TOPBP1: variants seen among roughly 807,000 people sequenced by gnomAD.
TOPBP1 encodes DNA topoisomerase 2-binding protein 1.
A neutral mutation model predicts 167.7 loss-of-function variants in TOPBP1; 28 were observed. The ratio of observed to expected loss-of-function variants is 0.17; its 90% CI spans 0.12 to 0.23. TOPBP1 has a LOEUF of 0.23. Among genes scored for constraint, TOPBP1 ranks in the 10% least tolerant of loss-of-function variants. The pLI is 1.00. For synonymous variants in TOPBP1, 598 were observed against 611.4 expected (o/e 0.98, Z 0.32); for missense variants, 1,554 against 1,809.6 (o/e 0.86, Z 2.56).
intron 22 of TOPBP1, 36 bp downstream of exon 22, chr3:133,617,124 G>A: frequency 1.3e-6 from 2 of 1,563,480 alleles, no homozygotes; most frequent in Non-Finnish European, 1.7e-6. Flanking sequence ...ACAGCAGTAT[G>A]CAAAAGCTGT....
At chr3:133,654,489 C>G (rs1467913535) in intron 6 of TOPBP1, among the ~76,000 whole-genome samples, 2 of 152,180 alleles carry the variant, frequency 1.3e-5, no homozygotes, top group Non-Finnish European at 2.9e-5. Flanking sequence ...AGTATCAACT[C>G]TACTCACAGT....
At chr3:133,635,007 G>C (rs1389045442) in intron 14 of TOPBP1, among the ~76,000 whole-genome samples, 1 of 152,174 alleles carries the variant, frequency 6.6e-6, no homozygotes. Flanking sequence ...GGGGGAAAGA[G>C]AATAAGATCT....
At chr3:133,603,829 T>C (rs1349716279) in intron 27 of TOPBP1, among the ~76,000 whole-genome samples, 5 of 151,942 alleles carry the variant, frequency 3.3e-5, no homozygotes, top group African/African-American at 9.7e-5. Flanking sequence ...TTATCAACCA[T>C]ATTAACCTAT....
At chr3:133,631,059 T>C (rs1339013342) in intron 14 of TOPBP1, among the ~76,000 whole-genome samples, 2 of 152,116 alleles carry the variant, frequency 1.3e-5, no homozygotes, top group African/African-American at 4.8e-5. Context: ...CACAGTGTCA[T>C]GTACCTCTAG....
intron 7 of TOPBP1, among the ~76,000 whole-genome samples, 172 bp downstream of exon 7, chr3:133,653,173 G>A (rs142083631): frequency 1.3e-4 from 20 of 152,172 alleles, no homozygotes; most frequent in South Asian, 2.1e-4. Flanking sequence ...AGAAAATTAC[G>A]AACAGTTCAG....
intron 27 of TOPBP1, among the ~76,000 whole-genome samples, chr3:133,606,494 C>A (rs974897632): frequency 1.4e-5 from 2 of 138,812 alleles, no homozygotes; most frequent in East Asian, 2.0e-4. Context: ...CCACTCTAGG[C>A]CTTTTTTTTT....
At chr3:133,657,297 T>C (rs1050513089) in intron 4 of TOPBP1, among the ~76,000 whole-genome samples, 4 of 151,760 alleles carry the variant, frequency 2.6e-5, no homozygotes, top group Middle Eastern at 3.4e-3. Context: ...TGAGTTGTGA[T>C]TGTGCCACTG....
rs146710021 is a variant in TOPBP1, at chr3:133,646,286, T to C, written c.1505-1923A>G. Among the ~76,000 whole-genome samples, 19 of 152,266 alleles carry C rather than the reference T, an allele frequency of 1.2e-4. 1 individual carries two copies. The East Asian group carries it at 3.7e-3, about 29-fold the overall frequency. ...AATCCTTATAAAGTCAGTAAACCAC[T>C]AGCTGTCTTAGGAAGGTTTAAGAAA... On this transcript the variant is annotated intron_variant, in intron 10 of 27. Transcript: ENST00000260810.
chr3:133,648,581 T>G (rs1936165158), intron 10 of TOPBP1, among the ~76,000 whole-genome samples: 1 of 152,202 alleles, frequency 6.6e-6, no homozygotes, highest in South Asian at 2.1e-4. Flanking sequence ...GTGGATCACC[T>G]GAGGTCGGGA....
chr3:133,638,816 A>G (rs539737362), intron 13 of TOPBP1, among the ~76,000 whole-genome samples: 1 of 152,318 alleles, frequency 6.6e-6, no homozygotes, highest in Non-Finnish European at 1.5e-5. Context: ...CTTATTAGAT[A>G]GCTACTCCAT....
rs1012664350 is a variant in TOPBP1 at position 133,657,170 on chromosome 3, C to A, written c.364-313G>T. 8.6e-5 allele frequency among the ~76,000 whole-genome samples: 13 copies of A among 150,366 alleles called. No individual in the cohort carries two copies. In the South Asian group the frequency reaches 1.0e-3, roughly 12 times the overall value. ...GTATTTTTAACAACATAAATTATAT[C>A]TATATAATATATAAATATTTATTTT... On this transcript the variant is annotated intron_variant, in intron 4 of 27. Coordinates refer to ENST00000260810, the MANE Select transcript of TOPBP1 (RefSeq NM_007027.4).
chr3:133,609,603 A>G (rs1380878506), intron 25 of TOPBP1, among the ~76,000 whole-genome samples: 1 of 152,144 alleles, frequency 6.6e-6, no homozygotes, highest in Non-Finnish European at 1.5e-5. Context: ...CAGTTCCCTC[A>G]TGCTGTTCTC....
chr3:133,615,746 T>C (rs542236851), intron 23 of TOPBP1, among the ~76,000 whole-genome samples: 1 of 152,146 alleles, frequency 6.6e-6, no homozygotes, highest in Non-Finnish European at 1.5e-5. Flanking sequence ...ATGATAAATA[T>C]ATGTTTAAAG....
intron 23 of TOPBP1, among the ~76,000 whole-genome samples, chr3:133,613,240 T>C (rs1934743378): frequency 6.6e-6 from 1 of 152,228 alleles, no homozygotes; most frequent in Non-Finnish European, 1.5e-5. Context: ...CTAGAATATA[T>C]GGAAATTTTC....
intron 14 of TOPBP1, among the ~76,000 whole-genome samples, chr3:133,631,765 G>A (rs1257679661): frequency 6.6e-6 from 1 of 152,088 alleles, no homozygotes; most frequent in Non-Finnish European, 1.5e-5. Flanking sequence ...AGTCTCTCGA[G>A]TAGCTGGGAT....
chr3:133,636,986 T>C, intron 14 of TOPBP1, among the ~76,000 whole-genome samples: 1 of 152,178 alleles, frequency 6.6e-6, no homozygotes, highest in South Asian at 2.1e-4. Flanking sequence ...ACTGGAATTC[T>C]GACCAAAAAT....
At chr3:133,619,454 AT>A (rs1170844734) in intron 20 of TOPBP1, among the ~76,000 whole-genome samples, 1 of 152,122 alleles carries the variant, frequency 6.6e-6, no homozygotes, top group Non-Finnish European at 1.5e-5. Context: ...ACAATTATAG[AT>A]TTTTTTCTTC....
chr3:133,649,754 T>G, intron 9 of TOPBP1, 26 bp downstream of exon 9: 2 of 1,585,088 alleles, frequency 1.3e-6, no homozygotes, highest in Non-Finnish European at 1.7e-6. Flanking sequence ...TAGTAGAAAT[T>G]GCTTTGAATT....
At chr3:133,647,712 C>T (rs1936126947) in intron 10 of TOPBP1, among the ~76,000 whole-genome samples, 1 of 151,818 alleles carries the variant, frequency 6.6e-6, no homozygotes, top group African/African-American at 2.4e-5. Flanking sequence ...ATTTAAAAAG[C>T]TAAAACTTCT....
Sources: allele counts gnomAD v4.1 joint callset (sites outside exome capture counted in the v4.1 genomes callset), GRCh38; gene constraint gnomAD v4.1.1; transcripts MANE v1.5; gene names NCBI Gene and HGNC (gene_info 2026-07-23, HGNC 2026-07-21).